Variants in FYB1 observed in about 807,000 individuals in gnomAD.
FYB1 encodes FYN-binding protein 1.
FYB1 carries 41 observed loss-of-function variants against 94.1 expected under a neutral mutation model. That is an observed-to-expected ratio of 0.44 (90% CI 0.34 to 0.57). The LOEUF (loss-of-function observed/expected upper bound fraction) is 0.57. FYB1 is among the 20% of genes least tolerant of loss of function. FYB1 has a pLI of 0.02. For synonymous variants in FYB1, 367 were observed against 353.2 expected, an observed-to-expected ratio of 1.04 and a Z score of -0.44; for missense variants, 1,050 against 976.8, an observed-to-expected ratio of 1.07 and a Z score of -1.00.
rs571103907 is a variant in FYB1 at position 39,118,167 on chromosome 5, G to A, written c.2401+707C>T. 5.3e-5 allele frequency among the ~76,000 whole-genome samples: 8 copies of A among 152,234 alleles called. 1 individual carries two copies. In the South Asian group the frequency reaches 1.5e-3, roughly 28 times the overall value. ...AATCATCCTGCCTCAGCCCCGCAAA[G>A]TGCTGGGATTACAGGCATGAGCCAC... On this transcript the variant is annotated intron_variant, in intron 16 of 18. Transcript: ENST00000512982.
At chr5:39,121,668 C>T (rs917977633) in intron 14 of FYB1, among the ~76,000 whole-genome samples, 9 of 152,020 alleles carry the variant, frequency 5.9e-5, no homozygotes, top group African/African-American at 2.2e-4. Flanking sequence ...TATGAGAAAG[C>T]AACCTACCAT....
intron 1 of FYB1, among the ~76,000 whole-genome samples, chr5:39,206,860 G>A (rs1457289206): frequency 6.6e-6 from 1 of 152,100 alleles, no homozygotes. Flanking sequence ...CACACAGATG[G>A]AAACCTCTAC....
intron 2 of FYB1, among the ~76,000 whole-genome samples, chr5:39,190,768 T>TTGTG (rs3028815): frequency 0.2 from 29,293 of 146,440 alleles, 3,006 homozygotes; most frequent in Middle Eastern, 0.26. Context: ...CCATGCTTAT[T>TTGTG]TGTGTGTGTG....
At chr5:39,186,545 T>G (rs2150443411) in intron 2 of FYB1, among the ~76,000 whole-genome samples, 1 of 151,208 alleles carries the variant, frequency 6.6e-6, no homozygotes, top group East Asian at 2.0e-4. Context: ...AGAGACTGCA[T>G]CTACAAGAGG....
Position 39,202,208 on chromosome 5 carries a change from T to C in FYB1, c.753A>G (p.Ala251=), listed in dbSNP as rs750203966. The C allele has an allele frequency of 6.2e-7, 1 of 1,614,014 alleles. No homozygotes were observed. The highest frequency in any genetic ancestry group is 1.1e-5 in the South Asian group (1 of 91,084). The change falls in exon 2 of 19, where the codon GCA becomes GCG. Residue 251 remains alanine, a synonymous_variant. Coordinates refer to ENST00000512982, the MANE Select transcript of FYB1 (RefSeq NM_001465.6). ...AREDSENKDH[A]GEISSLPFPG... ...GAAAGGGCAAACTTGAAATCTCCCC[T>C]GCATGGTCTTTATTTTCTGAGTCTT...
intron 1 of FYB1, among the ~76,000 whole-genome samples, chr5:39,265,120 G>A (rs1409133987): frequency 6.6e-6 from 1 of 152,094 alleles, no homozygotes; most frequent in African/African-American, 2.4e-5. Context: ...TGGATCGCCT[G>A]AGGTCAGGAG....
intron 3 of FYB1, among the ~76,000 whole-genome samples, chr5:39,150,113 G>A (rs370237809): frequency 1.3e-5 from 2 of 151,752 alleles, no homozygotes; most frequent in Non-Finnish European, 1.5e-5. Context: ...CTAAATTCCC[G>A]CACTGGGCCC....
intron 1 of FYB1, among the ~76,000 whole-genome samples, chr5:39,212,496 C>A (rs1749487776): frequency 6.6e-6 from 1 of 152,058 alleles, no homozygotes; most frequent in Non-Finnish European, 1.5e-5. Context: ...GGATATCCTC[C>A]CTGCCCTCAA....
At chr5:39,172,873 A>G (rs1017977202) in intron 2 of FYB1, among the ~76,000 whole-genome samples, 10 of 152,120 alleles carry the variant, frequency 6.6e-5, no homozygotes, top group African/African-American at 2.4e-4. Context: ...GGTTAATTGC[A>G]TGTCTTTGCT....
Position 39,153,715 on chromosome 5 carries a change from C to T in FYB1, c.1136-111G>A, listed in dbSNP as rs1743469098. The T allele has an allele frequency of 6.9e-6, 6 of 872,504 alleles. No homozygotes were observed. In the South Asian group the frequency reaches 1.1e-4, roughly 16 times the overall value. 54.0% of individuals were successfully genotyped at this position (872,504 alleles called of 1,614,324 possible). On this transcript the variant is annotated intron_variant, in intron 2 of 18. Coordinates refer to ENST00000512982, the MANE Select transcript of FYB1 (RefSeq NM_001465.6). ...AAAATAATTTGGCAAAAATTAACAA[C>T]TGGCTATATGGAATTTTCAATAAAG...
intron 1 of FYB1, among the ~76,000 whole-genome samples, chr5:39,210,379 CTGA>C: frequency 6.6e-6 from 1 of 152,362 alleles, no homozygotes; most frequent in East Asian, 1.9e-4. Context: ...ATTCCGAGCA[CTGA>C]TGATCCGGAT....
At position 39,159,028 on chromosome 5, in the gene FYB1, T is replaced by C. The variant is rs755712641; in HGVS notation, c.1136-5424A>G. ...CAAATGGGAGTAATCGAGCCCTAAC[T>C]ACCTCAAAGGGTTTAAGGATGAAAT... On this transcript the variant is annotated intron_variant, in intron 2 of 18. Coordinates refer to ENST00000512982, the MANE Select transcript of FYB1 (RefSeq NM_001465.6). Among the ~76,000 whole-genome samples the C allele has an allele frequency of 4.2e-4, 64 of 152,208 alleles. 1 individual carries two copies. Among genetic ancestry groups the C allele is most frequent in the Admixed American group, 1.2e-3 (19 of 15,280 alleles).
intron 3 of FYB1, among the ~76,000 whole-genome samples, chr5:39,150,024 C>A (rs1453723281): frequency 1.3e-5 from 2 of 152,112 alleles, no homozygotes; most frequent in Non-Finnish European, 2.9e-5. Flanking sequence ...TAGCCATGAC[C>A]TCCAGATCTT....
intron 1 of FYB1, among the ~76,000 whole-genome samples, chr5:39,235,909 G>C (rs1579755034): frequency 6.6e-6 from 1 of 151,986 alleles, no homozygotes; most frequent in African/African-American, 2.4e-5. Context: ...GTCCAATATG[G>C]TAGCCACTGA....
intron 1 of FYB1, among the ~76,000 whole-genome samples, chr5:39,262,920 G>C (rs1350479199): frequency 6.6e-6 from 1 of 152,130 alleles, no homozygotes; most frequent in African/African-American, 2.4e-5. Flanking sequence ...TATTCTGAAA[G>C]GCACTTTAAA....
intron 14 of FYB1, among the ~76,000 whole-genome samples, chr5:39,120,495 C>T (rs2150282508): frequency 6.6e-6 from 1 of 152,256 alleles, no homozygotes; most frequent in East Asian, 1.9e-4. Context: ...TACTACTGCT[C>T]TTGCCCAATT....
chr5:39,271,416 C>T (rs548074403), intron 1 of FYB1, among the ~76,000 whole-genome samples: 1 of 152,240 alleles, frequency 6.6e-6, no homozygotes, highest in East Asian at 1.9e-4. Flanking sequence ...GAATATTTAG[C>T]CTTCTACTAA....
At chr5:39,172,496 A>G (rs1425623175) in intron 2 of FYB1, among the ~76,000 whole-genome samples, 3 of 152,126 alleles carry the variant, frequency 2.0e-5, no homozygotes, top group African/African-American at 7.2e-5. Context: ...GAGGGTACAC[A>G]TGCAGGTTTG....
At chr5:39,229,680 A>T (rs768632129) in intron 1 of FYB1, among the ~76,000 whole-genome samples, 1 of 152,188 alleles carries the variant, frequency 6.6e-6, no homozygotes, top group Admixed American at 6.5e-5. Context: ...GTCTAGTTTA[A>T]TCCTCATAAT....
Sources: allele counts gnomAD v4.1 joint callset (sites outside exome capture counted in the v4.1 genomes callset), GRCh38; gene constraint gnomAD v4.1.1; transcripts MANE v1.5; gene names NCBI Gene and HGNC (gene_info 2026-07-23, HGNC 2026-07-21).